OTOG: variants seen among roughly 807,000 people sequenced by gnomAD.
The protein encoded by OTOG is otogelin.
OTOG carries 296 observed loss-of-function variants against 313.8 expected under a neutral mutation model. That is an observed-to-expected ratio of 0.94 (90% CI 0.86 to 1.04). The LOEUF is 1.04. Ranked by LOEUF, OTOG falls within the 50% of genes least tolerant of loss-of-function variation. OTOG has a pLI of 0.00. For synonymous variants in OTOG, 1,533 were observed against 1,554.9 expected (o/e 0.99, Z 0.33); for missense variants, 3,948 against 3,840.1 (o/e 1.03, Z -0.74).
chr11:17,561,140 A>G lies in OTOG; in HGVS notation c.1498+3A>G. 1 of 1,550,502 alleles carries G rather than the reference A, an allele frequency of 6.4e-7. No homozygotes were observed. The highest frequency in any genetic ancestry group is 1.7e-4 in the Middle Eastern group (1 of 5,992). ...GTGCAGCACAGCTGTCTGCCCAGGT[A>G]TGTCTGCCCCCCACCTTGCACTAGG... On this transcript the variant is annotated splice_donor_region_variant and intron_variant, in intron 14 of 55. Coordinates refer to ENST00000399397, the MANE Select transcript of OTOG (RefSeq NM_001292063.2).
At chr11:17,569,649 C>T (rs1445256607) in intron 16 of OTOG, among the ~76,000 whole-genome samples, 1 of 152,010 alleles carries the variant, frequency 6.6e-6, no homozygotes, top group East Asian at 1.9e-4. Flanking sequence ...AATGGCAAAA[C>T]GATTAAGAAA....
intron 41 of OTOG, 65 bp from the exon 42 acceptor site, chr11:17,632,023 G>T (rs1459321320): frequency 3.9e-6 from 6 of 1,541,232 alleles, no homozygotes; most frequent in Non-Finnish European, 5.3e-6. Flanking sequence ...GGCAGGGAGG[G>T]GAGGAGCTGG....
intron 33 of OTOG, among the ~76,000 whole-genome samples, 160 bp downstream of exon 33, chr11:17,606,295 G>A (rs1247284831): frequency 2.0e-5 from 3 of 152,240 alleles, no homozygotes; most frequent in Non-Finnish European, 4.4e-5. Flanking sequence ...ATGAGAGGTG[G>A]CCCAGCCTCC....
At chr11:17,606,274 G>A (rs2081547397) in intron 33 of OTOG, 139 bp downstream of exon 33, 2 of 1,164,582 alleles carry the variant, frequency 1.7e-6, no homozygotes, top group African/African-American at 1.6e-5. Flanking sequence ...CCACATGGGT[G>A]CCACCCTGAG....
chr11:17,643,383 C>A (rs1225363603), intron 53 of OTOG, 78 bp from the exon 54 acceptor site: 3 of 1,016,430 alleles, frequency 3.0e-6, no homozygotes, highest in Non-Finnish European at 2.7e-6. Context: ...CTGTACTCTG[C>A]CTGTTTCTGG....
chr11:17,639,520 C>T lies in OTOG; in HGVS notation c.7935+57C>T, dbSNP rs1847924080. 8 of 1,508,316 alleles carry T rather than the reference C, an allele frequency of 5.3e-6. No homozygotes were observed. In the Admixed American group the frequency reaches 7.9e-5, roughly 15 times the overall value. 93.4% of individuals were successfully genotyped at this position (1,508,316 alleles called of 1,614,324 possible). A position where few individuals can be genotyped will look rare whatever the true frequency, so the allele number is the denominator to read the frequency against. On this transcript the variant is annotated intron_variant, in intron 49 of 55. Coordinates refer to ENST00000399397, the MANE Select transcript of OTOG (RefSeq NM_001292063.2). ...GGTCTGCTCCCCTTTCCTTTCCTCT[C>T]TATCCCCTCCTCTAGAGAATCTGCT...
intron 39 of OTOG, among the ~76,000 whole-genome samples, chr11:17,618,670 A>C (rs1470663966): frequency 6.6e-6 from 1 of 152,220 alleles, no homozygotes; most frequent in East Asian, 1.9e-4. Flanking sequence ...GTAATTGTTT[A>C]TTTGTCTATT....
At chr11:17,552,528 C>CTGTCCTGTG (rs1851958432) in intron 4 of OTOG, among the ~76,000 whole-genome samples, 13 of 39,250 alleles carry the variant, frequency 3.3e-4, no homozygotes, top group African/African-American at 2.4e-3. Context: ...CTGTTCCTAC[C>CTGTCCTGTG]TCCCCCACCT....
Position 17,570,379 on chromosome 11 carries a change from G to A in OTOG, c.1944G>A (p.Gln648=). ...GCGGCACCTTCAATGGCAACACGCAGGATGACTTCCTGTACGTAGCCCTGC... is the reference window on the plus strand; with the variant it reads ...GCGGCACCTTCAATGGCAACACGCAAGATGACTTCCTGTACGTAGCCCTGC... ...GLCGTFNGNT[Q]DDFLSPVGVP... The change falls in exon 17 of 56, where the codon CAG becomes CAA. Residue 648 remains glutamine (Q), a synonymous_variant. Transcript: ENST00000399397. 2 of 1,550,494 alleles carry A rather than the reference G, an allele frequency of 1.3e-6. No homozygotes were observed.
Position 17,625,006 on chromosome 11 carries a change from T to A in OTOG, c.6529-4127T>A, listed in dbSNP as rs1318950983. On this transcript the variant is annotated intron_variant, in intron 39 of 55. Transcript: ENST00000399397. The stretch of plus-strand genomic sequence containing the variant: ...ACTAGTGATTTCTATACATTGATTT[T>A]GTATCTTGAGACTTTGCTGAAGTTG... 3.9e-5 allele frequency among the ~76,000 whole-genome samples: 6 copies of A among 152,240 alleles called. 1 individual carries two copies. The highest frequency in any genetic ancestry group is 3.9e-4 in the Admixed American group (6 of 15,288).
At chr11:17,621,659 TATC>T (rs1164929349) in intron 39 of OTOG, among the ~76,000 whole-genome samples, 1 of 152,206 alleles carries the variant, frequency 6.6e-6, no homozygotes, top group Non-Finnish European at 1.5e-5. Flanking sequence ...TGTGAATGTC[TATC>T]TCTTGTCTTC....
Position 17,641,054 on chromosome 11 carries a change from A to T in OTOG, c.8153A>T (p.Asn2718Ile), listed in dbSNP as rs1847960558. 2.3e-6 allele frequency: 3 copies of T among 1,288,090 alleles called. No homozygotes were observed. The highest frequency in any genetic ancestry group is 3.0e-6 in the Non-Finnish European group (3 of 988,850). 79.8% of individuals were successfully genotyped at this position (1,288,090 alleles called of 1,614,324 possible). Residue 2718 changes from asparagine to isoleucine, a missense_variant, in exon 51 of 56, where the codon AAC (asparagine) becomes ATC (isoleucine). Transcript: ENST00000399397. ...CCTCTCACCAACTTCTACCAGATCA[A>T]CACCACCTCCGTGCTCTGTGACATC... ...LDPLTNFYQINTTSVLCDIHC... is the reference protein window; with the variant it reads ...LDPLTNFYQIITTSVLCDIHC...
At chr11:17,559,293 G>A (rs942801872) in intron 11 of OTOG, 132 bp downstream of exon 11, 2 of 946,922 alleles carry the variant, frequency 2.1e-6, no homozygotes, top group Non-Finnish European at 3.1e-6. Flanking sequence ...TTATCGCCAT[G>A]AGAAAGACGA....
intron 30 of OTOG, among the ~76,000 whole-genome samples, chr11:17,598,900 A>G (rs1372741171): frequency 6.6e-6 from 1 of 152,172 alleles, no homozygotes; most frequent in Non-Finnish European, 1.5e-5. Flanking sequence ...GTGACCCCAG[A>G]TGCATTGACC....
intron 3 of OTOG, among the ~76,000 whole-genome samples, chr11:17,551,479 G>A (rs957696656): frequency 6.6e-6 from 1 of 152,146 alleles, no homozygotes; most frequent in African/African-American, 2.4e-5. Context: ...AGGACAGTGG[G>A]TGTTGATCTG....
At position 17,640,966 on chromosome 11, in the gene OTOG, A is replaced by T; in HGVS notation, c.8065A>T (p.Thr2689Ser). Residue 2689 changes from threonine (T) to serine (S), a missense_variant, in exon 51 of 56, where the codon ACA (threonine) becomes TCA (serine). By Grantham distance (58) the Thr-to-Ser change is moderately conservative (BLOSUM62 1). Coordinates refer to ENST00000399397, the MANE Select transcript of OTOG (RefSeq NM_001292063.2). The stretch of plus-strand genomic sequence containing the variant: ...GCTGGGTGTGATGCAGCCCGGCCAG[A>T]CAGTGGTGGAGCTCTCAGCAGATGG... The part of the protein sequence containing the change: ...RELGVMQPGQ[T>S]VVELSADGVC... 1 of 1,548,510 alleles carries T rather than the reference A, an allele frequency of 6.5e-7. No homozygotes were observed. The highest frequency in any genetic ancestry group is 8.7e-7 in the Non-Finnish European group (1 of 1,146,958).
chr11:17,632,235 G>C lies in OTOG; in HGVS notation c.7072+9G>C. The C allele has an allele frequency of 6.5e-7, 1 of 1,547,860 alleles. No homozygotes were observed. On this transcript the variant is annotated intron_variant, in intron 42 of 55. Coordinates refer to ENST00000399397, the MANE Select transcript of OTOG (RefSeq NM_001292063.2). Reference sequence around the variant, plus strand: ...GCGCTCTGACTACTGCCGTGAGTTTGCGGGGCAGGGGGACCCTCCATTGTG... The same window carrying C: ...GCGCTCTGACTACTGCCGTGAGTTTCCGGGGCAGGGGGACCCTCCATTGTG...
Position 17,555,857 on chromosome 11 carries a change from G to C in OTOG, c.619G>C (p.Glu207Gln). The C allele has an allele frequency of 6.4e-7, 1 of 1,551,050 alleles. No individual in the cohort carries two copies. Among genetic ancestry groups the C allele is most frequent in the Non-Finnish European group, 8.7e-7 (1 of 1,147,102 alleles). Reference sequence around the variant, plus strand: ...CAGCCTCTTCTTTGTGGGTGAGCAGGAGATCCATCTGGCCAAGGAGGTCAC... The same window carrying C: ...CAGCCTCTTCTTTGTGGGTGAGCAGCAGATCCATCTGGCCAAGGAGGTCAC... ...AVSLFFVGEQ[E>Q]IHLAKEVTHG... The change falls in exon 7 of 56, where the codon GAG becomes CAG. Residue 207 changes from glutamate (E) to glutamine (Q), a missense_variant. Transcript: ENST00000399397.
chr11:17,613,661 A>C lies in OTOG; in HGVS notation c.6488A>C (p.His2163Pro). ...PFCLVMLNMT[H>P]LAHQVTIDRF... ...TGTCTGGTGATGTTGAACATGACTC[A>C]CTTGGCCCATCAGGTCACTATTGAT... The change falls in exon 39 of 56, where the codon CAC becomes CCC. Residue 2163 changes from histidine to proline, a missense_variant. Physicochemically the swap from His to Pro is moderately conservative, Grantham distance 77. Coordinates refer to ENST00000399397, the MANE Select transcript of OTOG (RefSeq NM_001292063.2). 6.4e-7 allele frequency: 1 copy of C among 1,550,728 alleles called. No homozygotes were observed. Among genetic ancestry groups the C allele is most frequent in the Non-Finnish European group, 8.7e-7 (1 of 1,147,026 alleles).
Sources: allele counts gnomAD v4.1 joint callset (sites outside exome capture counted in the v4.1 genomes callset), GRCh38; gene constraint gnomAD v4.1.1; transcripts MANE v1.5; gene names NCBI Gene and HGNC (gene_info 2026-07-23, HGNC 2026-07-21).